Variants in AKAP19 observed in about 807,000 individuals in gnomAD.
The protein encoded by AKAP19 is small A-kinase anchoring protein.
At chr2:189,976,306 A>G in the AKAP19 span, among the ~76,000 whole-genome samples, 1 of 152,264 alleles carries the variant, frequency 6.6e-6, no homozygotes, top group Admixed American at 6.5e-5. Flanking sequence ...ATTGCTGAAC[A>G]GCAAATGTTG....
the AKAP19 span, chr2:190,180,630 C>A: frequency 1.0e-6 from 1 of 985,692 alleles, no homozygotes; most frequent in Non-Finnish European, 1.2e-6. The surrounding 1 kb of genome is among the most constrained non-coding windows in gnomAD (Gnocchi z 6.8). Flanking sequence ...CAGCTCCGCT[C>A]CGCCCGCCCC....
the AKAP19 span, among the ~76,000 whole-genome samples, chr2:190,188,906 T>G: frequency 1.3e-5 from 2 of 152,184 alleles, no homozygotes; most frequent in East Asian, 1.9e-4. Context: ...GGCAGTTTAC[T>G]AATCCATTCA....
chr2:189,940,338 TG>T, the AKAP19 span, among the ~76,000 whole-genome samples: 4 of 150,290 alleles, frequency 2.7e-5, no homozygotes, highest in Admixed American at 2.0e-4. Context: ...CCCAGCTACT[TG>T]GGAGGCTGAG....
chr2:189,981,770 G>T, the AKAP19 span, among the ~76,000 whole-genome samples: 1 of 152,170 alleles, frequency 6.6e-6, no homozygotes, highest in East Asian at 1.9e-4. Flanking sequence ...AGCTTAGTTT[G>T]GCAGGATATG....
chr2:189,937,189 C>T, the AKAP19 span, among the ~76,000 whole-genome samples: 1 of 151,924 alleles, frequency 6.6e-6, no homozygotes, highest in African/African-American at 2.4e-5. Flanking sequence ...TAACAGAAAG[C>T]TGATGATGGT....
At chr2:190,133,669 G>T in the AKAP19 span, among the ~76,000 whole-genome samples, 2 of 152,160 alleles carry the variant, frequency 1.3e-5, no homozygotes, top group Admixed American at 1.3e-4. Flanking sequence ...TTAAAAAAGG[G>T]AGTCTTGCCA....
chr2:190,065,271 G>T, the AKAP19 span, among the ~76,000 whole-genome samples: 21 of 152,210 alleles, frequency 1.4e-4, no homozygotes, highest in African/African-American at 5.1e-4. Context: ...AAAGTAGCAT[G>T]GTGGTTGCCA....
chr2:190,094,760 T>C, the AKAP19 span, among the ~76,000 whole-genome samples: 1 of 152,224 alleles, frequency 6.6e-6, no homozygotes, highest in Non-Finnish European at 1.5e-5. Context: ...AAGTCATGTA[T>C]TTTGAACGAT....
the AKAP19 span, among the ~76,000 whole-genome samples, chr2:190,133,299 A>T: frequency 6.6e-6 from 1 of 151,812 alleles, no homozygotes; most frequent in African/African-American, 2.4e-5. Flanking sequence ...TCTCAAAAAA[A>T]CACATATAAA....
the AKAP19 span, among the ~76,000 whole-genome samples, chr2:190,085,212 T>C: frequency 6.6e-6 from 1 of 152,232 alleles, no homozygotes; most frequent in Non-Finnish European, 1.5e-5. Flanking sequence ...GAAATATATT[T>C]TACCATAGGA....
chr2:189,943,204 C>G, the AKAP19 span, among the ~76,000 whole-genome samples: 6,319 of 152,292 alleles, frequency 0.041, 417 homozygotes, highest in African/African-American at 0.14. Flanking sequence ...GAATGGTTTT[C>G]TGGGCCAGGA....
the AKAP19 span, among the ~76,000 whole-genome samples, chr2:190,083,029 T>C: frequency 1.3e-5 from 2 of 152,338 alleles, no homozygotes; most frequent in East Asian, 3.9e-4. Context: ...AACCAGGCTA[T>C]TTAACATATG....
chr2:190,199,345 CAAA>C, the AKAP19 span, among the ~76,000 whole-genome samples: 1 of 152,048 alleles, frequency 6.6e-6, no homozygotes, highest in African/African-American at 2.4e-5. Context: ...CATGGCTGTA[CAAA>C]AATAGGTAGC....
the AKAP19 span, among the ~76,000 whole-genome samples, chr2:189,967,790 A>G: frequency 2.0e-5 from 3 of 151,884 alleles, no homozygotes; most frequent in Non-Finnish European, 2.9e-5. Flanking sequence ...TAGCCATTGC[A>G]CTCCAGTCTG....
the AKAP19 span, among the ~76,000 whole-genome samples, chr2:189,973,971 C>G: frequency 1.3e-5 from 2 of 152,226 alleles, no homozygotes; most frequent in East Asian, 3.9e-4. Flanking sequence ...TTTTGTGTCT[C>G]TATTTCCTTC....
the AKAP19 span, among the ~76,000 whole-genome samples, chr2:190,159,441 C>A: frequency 9.2e-5 from 14 of 152,162 alleles, no homozygotes; most frequent in African/African-American, 3.1e-4. Flanking sequence ...ACTCTTCAGA[C>A]TCAATTTCTG....
the AKAP19 span, among the ~76,000 whole-genome samples, chr2:190,179,628 A>T: frequency 6.6e-6 from 1 of 152,156 alleles, no homozygotes; most frequent in South Asian, 2.1e-4. The surrounding 1 kb of genome is among the most constrained non-coding windows in gnomAD (Gnocchi z 6.0). Flanking sequence ...AGATTCTGGG[A>T]TAGATTTTTG....
At chr2:189,900,677 T>C in the AKAP19 span, among the ~76,000 whole-genome samples, 1 of 152,206 alleles carries the variant, frequency 6.6e-6, no homozygotes, top group Admixed American at 6.5e-5. Context: ...GGAGTAAAAC[T>C]TTGTCCCATA....
chr2:190,005,808 T>C, the AKAP19 span, among the ~76,000 whole-genome samples: 1 of 152,230 alleles, frequency 6.6e-6, no homozygotes, highest in East Asian at 1.9e-4. Context: ...TAGAGCTCTA[T>C]TAAAATATTT....
Sources: gnomAD v4.1 joint callset for allele counts (sites outside exome capture counted in the v4.1 genomes callset) on GRCh38, gnomAD v4.1.1 for gene constraint, Gnocchi (gnomAD v3.1) non-coding constraint, MANE v1.5 for transcripts, NCBI Gene and HGNC (gene_info 2026-07-23, HGNC 2026-07-21) for gene names.